WDR35: variants seen among roughly 807,000 people sequenced by gnomAD.
WDR35 encodes the protein WD repeat domain 35.
In WDR35, 118 loss-of-function variants were observed where a neutral mutation model predicts 158.3. That is an observed-to-expected ratio of 0.75 (90% confidence interval 0.64 to 0.87). The LOEUF (loss-of-function observed/expected upper bound fraction) is 0.87, where lower values mean the gene tolerates loss of function less well. WDR35 is among the 40% of genes least tolerant of loss of function. The pLI is 0.00. For synonymous variants in WDR35, 448 were observed against 476.1 expected, an observed-to-expected ratio of 0.94 and a Z score of 0.77; for missense variants, 1,263 against 1,405.8, an observed-to-expected ratio of 0.90 and a Z score of 1.62.
chr2:19,924,384 G>A (rs1484620894), intron 25 of WDR35, among the ~76,000 whole-genome samples: 2 of 152,056 alleles, frequency 1.3e-5, no homozygotes, highest in African/African-American at 4.8e-5. Flanking sequence ...CTAACATGGT[G>A]AAACCCCGTC....
chr2:19,914,312 T>A, intron 25 of WDR35, 35 bp from the exon 26 acceptor site: 1 of 1,612,624 alleles, frequency 6.2e-7, no homozygotes, highest in Non-Finnish European at 8.5e-7. Context: ...TTTTTTAAAA[T>A]AATTATTATG....
At position 19,911,488 on chromosome 2, in the gene WDR35, A is replaced by G. The variant is rs1199352496; in HGVS notation, c.*2070T>C. ...TCCCTAAAAACAGAAAGTCCTGTGG[A>G]AAGATGCAAGTTCAACAGGAGATGT... On this transcript the variant is annotated 3_prime_UTR_variant, in exon 27 of 27. Transcript: ENST00000281405. 1.3e-5 allele frequency: 2 copies of G among 152,248 alleles called. No homozygotes were observed. The allele number at this position is 152,248 out of a possible 1,614,324, so 9.4% of individuals were successfully genotyped here. A position where few individuals can be genotyped will look rare whatever the true frequency, so the allele number is the denominator to read the frequency against.
intron 25 of WDR35, among the ~76,000 whole-genome samples, chr2:19,927,760 C>A (rs1050787941): frequency 1.3e-5 from 2 of 152,226 alleles, no homozygotes; most frequent in Non-Finnish European, 2.9e-5. Context: ...GGACACCTGA[C>A]CTTAATGCCA....
At chr2:19,931,531 T>C in intron 23 of WDR35, 122 bp from the exon 24 acceptor site, 1 of 1,036,994 alleles carries the variant, frequency 9.6e-7, no homozygotes, top group Non-Finnish European at 1.4e-6. Context: ...AGATGGAATA[T>C]AAATATCACC....
At chr2:19,949,889 T>C (rs778163729) in intron 13 of WDR35, among the ~76,000 whole-genome samples, 3 of 152,092 alleles carry the variant, frequency 2.0e-5, no homozygotes, top group Non-Finnish European at 2.9e-5. Flanking sequence ...CACTGATATA[T>C]AGAATATATA....
At chr2:19,969,702 T>C (rs535155285) in intron 8 of WDR35, 97 bp from the exon 9 acceptor site, 5 of 1,342,960 alleles carry the variant, frequency 3.7e-6, no homozygotes, top group Non-Finnish European at 5.1e-6. Context: ...GGTATGAACA[T>C]TATTTTGTGA....
intron 11 of WDR35, among the ~76,000 whole-genome samples, chr2:19,956,252 G>A (rs1261377215): frequency 6.6e-6 from 1 of 152,122 alleles, no homozygotes; most frequent in East Asian, 1.9e-4. Context: ...TTTTTCCTAA[G>A]TATATAAAAG....
intron 6 of WDR35, 101 bp downstream of exon 6, chr2:19,975,429 C>T: frequency 7.7e-7 from 1 of 1,297,670 alleles, no homozygotes; most frequent in Non-Finnish European, 1.0e-6. Flanking sequence ...ACTTTAATTA[C>T]ACAAACCGCC....
Position 19,934,762 on chromosome 2 carries a change from T to C in WDR35, c.2547+709A>G, listed in dbSNP as rs1435451795. 6.6e-6 allele frequency among the ~76,000 whole-genome samples: 1 copy of C among 152,094 alleles called. No individual in the cohort carries two copies. The highest frequency in any genetic ancestry group is 1.5e-5 in the Non-Finnish European group (1 of 67,996). On this transcript the variant is annotated intron_variant, in intron 21 of 26. Coordinates refer to ENST00000281405, the MANE Select transcript of WDR35 (RefSeq NM_020779.4). The surrounding 1 kb of genome is among the most constrained non-coding windows in gnomAD (Gnocchi z 4.6). ...AAAATAAGGGTGAGTGAAAATACCATTATTACAGAGATAGCCGCTCAAATT... is the reference window on the plus strand; with the variant it reads ...AAAATAAGGGTGAGTGAAAATACCACTATTACAGAGATAGCCGCTCAAATT...
At chr2:19,987,481 T>TA (rs1249357250) in intron 2 of WDR35, among the ~76,000 whole-genome samples, 1 of 152,134 alleles carries the variant, frequency 6.6e-6, no homozygotes, top group African/African-American at 2.4e-5. Flanking sequence ...AGTTTGTTTT[T>TA]AAAAAAGCCT....
intron 19 of WDR35, among the ~76,000 whole-genome samples, chr2:19,937,106 G>A (rs1353505139): frequency 2.0e-5 from 3 of 152,150 alleles, no homozygotes; most frequent in African/African-American, 7.2e-5. Flanking sequence ...TCTCCTGGGA[G>A]TATAAATAAC....
At chr2:19,963,916 G>A (rs1384573448) in intron 10 of WDR35, among the ~76,000 whole-genome samples, 1 of 151,944 alleles carries the variant, frequency 6.6e-6, no homozygotes, top group Non-Finnish European at 1.5e-5. Flanking sequence ...GCTAATTTTT[G>A]TATATTTAGT....
intron 9 of WDR35, among the ~76,000 whole-genome samples, chr2:19,967,927 A>C (rs1595414): frequency 0.57 from 87,021 of 151,988 alleles, 25,722 homozygotes; most frequent in African/African-American, 0.72. Flanking sequence ...TATCTTTTCC[A>C]GAATGTCCTT....
chr2:19,975,801 T>A, intron 5 of WDR35, 138 bp from the exon 6 acceptor site: 1 of 1,123,376 alleles, frequency 8.9e-7, no homozygotes, highest in Non-Finnish European at 1.3e-6. Context: ...CCAATAAATA[T>A]TTACTGAGCA....
intron 16 of WDR35, among the ~76,000 whole-genome samples, chr2:19,943,948 A>C (rs1670956001): frequency 6.6e-6 from 1 of 152,130 alleles, no homozygotes; most frequent in African/African-American, 2.4e-5. Flanking sequence ...AATGGATAAA[A>C]ATATATTGTT....
chr2:19,971,628 G>A (rs969009111), intron 8 of WDR35, among the ~76,000 whole-genome samples: 21 of 152,092 alleles, frequency 1.4e-4, no homozygotes, highest in African/African-American at 3.1e-4. Flanking sequence ...TTTTCCCAAG[G>A]AAACCAATGG....
intron 6 of WDR35, 93 bp downstream of exon 6, chr2:19,975,437 G>T (rs558268126): frequency 3.0e-6 from 4 of 1,313,068 alleles, no homozygotes; most frequent in Non-Finnish European, 3.1e-6. Flanking sequence ...TACACAAACC[G>T]CCATAAAAAA....
chr2:19,963,302 C>T (rs966898394), intron 10 of WDR35, among the ~76,000 whole-genome samples: 1 of 152,210 alleles, frequency 6.6e-6, no homozygotes, highest in Non-Finnish European at 1.5e-5. Flanking sequence ...ATTCACAACT[C>T]AGCCATCAAG....
At chr2:19,976,640 C>A (rs1258836600) in intron 5 of WDR35, among the ~76,000 whole-genome samples, 2 of 151,316 alleles carry the variant, frequency 1.3e-5, no homozygotes, top group African/African-American at 2.4e-5. Flanking sequence ...AAGAAAGAAA[C>A]TGCCTTCATG....
Sources: allele counts gnomAD v4.1 joint callset (sites outside exome capture counted in the v4.1 genomes callset), GRCh38; gene constraint gnomAD v4.1.1; non-coding constraint Gnocchi (gnomAD v3.1); transcripts MANE v1.5; gene names NCBI Gene and HGNC (gene_info 2026-07-23, HGNC 2026-07-21).